Variants in EYS observed in about 807,000 individuals in gnomAD.
EYS encodes the protein protein eyes shut homolog.
EYS carries 250 observed loss-of-function variants against 282.1 expected under a neutral mutation model. The ratio of observed to expected loss-of-function variants is 0.89; its 90% CI spans 0.80 to 0.98. The LOEUF (loss-of-function observed/expected upper bound fraction) is 0.98. EYS is among the 50% of genes least tolerant of loss of function. The pLI is 0.00. For synonymous variants in EYS, 1,355 were observed against 1,282.9 expected (o/e 1.06, Z -1.20); for missense variants, 4,016 against 3,709.0 (o/e 1.08, Z -2.15).
chr6:64,775,197 C>T (rs1773642011), intron 22 of EYS, among the ~76,000 whole-genome samples: 1 of 151,860 alleles, frequency 6.6e-6, no homozygotes, highest in Admixed American at 6.6e-5. Context: ...AACAGACAAA[C>T]AAAACAAGTG....
chr6:65,157,770 G>A (rs531019739), intron 12 of EYS, among the ~76,000 whole-genome samples: 1 of 150,242 alleles, frequency 6.7e-6, no homozygotes, highest in African/African-American at 2.4e-5. Flanking sequence ...TTTAGGAAAA[G>A]GTTATATTTT....
At chr6:65,222,625 C>G (rs781454025) in intron 12 of EYS, among the ~76,000 whole-genome samples, 23 of 152,122 alleles carry the variant, frequency 1.5e-4, no homozygotes, top group Admixed American at 6.5e-4. Context: ...CAAAGTAAAA[C>G]AGAATCAAAC....
chr6:65,204,653 A>G (rs1029280266), intron 12 of EYS, among the ~76,000 whole-genome samples: 1 of 151,882 alleles, frequency 6.6e-6, no homozygotes, highest in Non-Finnish European at 1.5e-5. Flanking sequence ...TTACTAGCTA[A>G]CAAAACTATA....
chr6:64,859,499 A>T lies in EYS; in HGVS notation c.2992+27198T>A, dbSNP rs948089986. 9.2e-5 allele frequency among the ~76,000 whole-genome samples: 14 copies of T among 152,112 alleles called. 1 individual carries two copies. On this transcript the variant is annotated intron_variant, in intron 19 of 42. Transcript: ENST00000503581. ...TTGGCTGAGTCTCTACCCAAATCTC[A>T]TCTTGAATTCCTACATGTTGTGGGA...
intron 12 of EYS, among the ~76,000 whole-genome samples, chr6:65,231,117 A>ATATATATATACTTT (rs1164954730): frequency 0.23 from 29,298 of 127,354 alleles, 4,507 homozygotes; most frequent in African/African-American, 0.28. Flanking sequence ...ATATGTATTT[A>ATATATATATACTTT]TATATATATA....
chr6:65,618,077 A>C (rs1437149777), intron 2 of EYS, among the ~76,000 whole-genome samples: 2 of 152,194 alleles, frequency 1.3e-5, no homozygotes, highest in African/African-American at 4.8e-5. Flanking sequence ...CAGTAATGGG[A>C]TGGCTGGGTC....
chr6:64,949,749 A>C (rs1267208993), intron 14 of EYS, among the ~76,000 whole-genome samples: 1 of 151,910 alleles, frequency 6.6e-6, no homozygotes, highest in Non-Finnish European at 1.5e-5. Context: ...GGATCATCTT[A>C]AAATTTTGCC....
At chr6:64,225,821 C>T (rs1045015894) in intron 31 of EYS, among the ~76,000 whole-genome samples, 2 of 152,094 alleles carry the variant, frequency 1.3e-5, no homozygotes, top group African/African-American at 4.8e-5. Context: ...CCTCTGACTT[C>T]AAAAATGAAA....
rs75104934 is a variant in EYS at position 65,220,297 on chromosome 6, A to C, written c.2023+75566T>G. Reference sequence around the variant, plus strand: ...TTAGGTACATTTTTACCATGTACCTACCATGCACTAGACACTCTGCTAGGT... The same window carrying C: ...TTAGGTACATTTTTACCATGTACCTCCCATGCACTAGACACTCTGCTAGGT... On this transcript the variant is annotated intron_variant, in intron 12 of 42. Coordinates refer to ENST00000503581, the MANE Select transcript of EYS (RefSeq NM_001142800.2). 5.7e-3 allele frequency among the ~76,000 whole-genome samples: 869 copies of C among 152,268 alleles called. 17 individuals carry two copies. Among genetic ancestry groups the C allele is most frequent in the African/African-American group, 0.019 (805 of 41,572 alleles).
chr6:64,068,165 T>C (rs1771446393), intron 32 of EYS, among the ~76,000 whole-genome samples: 3 of 152,208 alleles, frequency 2.0e-5, no homozygotes, highest in Admixed American at 2.0e-4. Flanking sequence ...GGTCACTTTG[T>C]AGATTTTACC....
intron 18 of EYS, 105 bp downstream of exon 18, chr6:64,902,008 C>G: frequency 1.4e-6 from 1 of 701,788 alleles, no homozygotes; most frequent in Non-Finnish European, 2.4e-6. Flanking sequence ...ACAAATGTAT[C>G]AGTGGTGATC....
intron 12 of EYS, among the ~76,000 whole-genome samples, chr6:65,290,399 CTA>C (rs1377125490): frequency 6.6e-6 from 1 of 150,878 alleles, no homozygotes; most frequent in Non-Finnish European, 1.5e-5. Context: ...GATTTTATGA[CTA>C]TATTTTTTTC....
chr6:64,278,716 A>G (rs1022782947), intron 30 of EYS, among the ~76,000 whole-genome samples: 4 of 144,144 alleles, frequency 2.8e-5, no homozygotes, highest in African/African-American at 1.2e-4. Context: ...GTCAGCCAAA[A>G]ACTCTCTCTC....
At chr6:65,087,140 G>A (rs184162525) in intron 12 of EYS, among the ~76,000 whole-genome samples, 179 of 151,960 alleles carry the variant, frequency 1.2e-3, no homozygotes, top group Middle Eastern at 3.4e-3. Flanking sequence ...ATTTTTTAAC[G>A]CGGTAACATA....
chr6:64,238,675 C>G (rs536568631), intron 30 of EYS, among the ~76,000 whole-genome samples: 1 of 152,102 alleles, frequency 6.6e-6, no homozygotes, highest in Non-Finnish European at 1.5e-5. Context: ...TATGTTCCAT[C>G]CTAAAACTAC....
chr6:64,275,530 C>A (rs1328580065), intron 30 of EYS, among the ~76,000 whole-genome samples: 3 of 150,298 alleles, frequency 2.0e-5, no homozygotes, highest in Non-Finnish European at 1.5e-5. Flanking sequence ...CATTCTCCTG[C>A]CTCAGCTTCC....
chr6:65,611,271 C>T (rs553773541), intron 2 of EYS, among the ~76,000 whole-genome samples: 1 of 151,712 alleles, frequency 6.6e-6, no homozygotes, highest in South Asian at 2.1e-4. Context: ...GAGAATTCAA[C>T]CTACATAAGT....
intron 22 of EYS, among the ~76,000 whole-genome samples, chr6:64,810,570 A>G (rs914383237): frequency 6.6e-6 from 1 of 152,134 alleles, no homozygotes; most frequent in Admixed American, 6.6e-5. Context: ...AGGGTAGCAC[A>G]GTCTTTACCT....
rs183214244 is a variant in EYS at position 64,345,638 on chromosome 6, T to G, written c.6079-38556A>C. ...GGCAATATCATTCAGGACATAGGCATGGGCAAGGACTTCATGTCTAAAACA... is the reference window on the plus strand; with the variant it reads ...GGCAATATCATTCAGGACATAGGCAGGGGCAAGGACTTCATGTCTAAAACA... On this transcript the variant is annotated intron_variant, in intron 29 of 42. Transcript: ENST00000503581. 9.2e-3 allele frequency among the ~76,000 whole-genome samples: 1,396 copies of G among 152,172 alleles called. 19 individuals are homozygous for G. The highest frequency in any genetic ancestry group is 0.049 in the East Asian group (251 of 5,150).
Sources: gnomAD v4.1 joint callset for allele counts (sites outside exome capture counted in the v4.1 genomes callset) on GRCh38, gnomAD v4.1.1 for gene constraint, MANE v1.5 for transcripts, NCBI Gene and HGNC (gene_info 2026-07-23, HGNC 2026-07-21) for gene names.